SLC4A10: variants seen among roughly 807,000 people sequenced by gnomAD.
SLC4A10 encodes the protein solute carrier family 4 member 10.
In SLC4A10, 42 loss-of-function variants were observed where a neutral mutation model predicts 137.7. That is an observed-to-expected ratio of 0.30 (90% CI 0.24 to 0.39). The LOEUF is 0.39. Among genes scored for constraint, SLC4A10 ranks in the 10% least tolerant of loss-of-function variants. The pLI, the probability that SLC4A10 is intolerant of heterozygous loss-of-function variation, is 1.00. For missense variants in SLC4A10, 925 were observed against 1,355.0 expected (o/e 0.68, Z 4.98); for synonymous variants, 474 against 464.1 (o/e 1.02, Z -0.27).
intron 2 of SLC4A10, among the ~76,000 whole-genome samples, chr2:161,783,558 A>C (rs1391011175): frequency 6.6e-6 from 1 of 152,012 alleles, no homozygotes; most frequent in Non-Finnish European, 1.5e-5. Context: ...TAACTAAAAT[A>C]CTTTTAATAA....
At chr2:161,783,435 G>A (rs552606094) in intron 2 of SLC4A10, among the ~76,000 whole-genome samples, 7 of 151,870 alleles carry the variant, frequency 4.6e-5, no homozygotes, top group African/African-American at 1.7e-4. Context: ...TAAAAGTATT[G>A]GTAAAGGTAA....
chr2:161,847,306 A>G (rs1252911484), intron 4 of SLC4A10, among the ~76,000 whole-genome samples: 3 of 151,196 alleles, frequency 2.0e-5, no homozygotes, highest in African/African-American at 7.3e-5. Flanking sequence ...CACACACAGC[A>G]ACACACAGAG....
rs186932860 is a variant in SLC4A10 at position 161,768,023 on chromosome 2, A to G, written c.49-2950A>G. On this transcript the variant is annotated intron_variant, in intron 1 of 26. Transcript: ENST00000446997. ...TTTTTTAGCACCTGGGCTAGGGGGA[A>G]TTTTTATTTACTTCTTTCCTAGCAT... 2.0e-5 allele frequency among the ~76,000 whole-genome samples: 3 copies of G among 152,072 alleles called. 1 individual carries two copies.
intron 1 of SLC4A10, among the ~76,000 whole-genome samples, chr2:161,660,556 A>ATTTC (rs574482342): frequency 0.12 from 13,594 of 109,924 alleles, 1,278 homozygotes; most frequent in East Asian, 0.2. Context: ...ACTCATCTAT[A>ATTTC]TTTCTTTCTT....
At position 161,877,309 on chromosome 2, in the gene SLC4A10, A is replaced by G. The variant is rs565686628; in HGVS notation, c.949-1822A>G. 6.6e-5 allele frequency among the ~76,000 whole-genome samples: 10 copies of G among 152,190 alleles called. No individual in the cohort carries two copies. In the East Asian group the frequency reaches 1.5e-3, roughly 23 times the overall value. ...TATCAATTATGGATTTTAAAAAAAG[A>G]TGTTTTCTCATTTTAAATTTTGTTC... On this transcript the variant is annotated intron_variant, in intron 8 of 26. Transcript: ENST00000446997.
intron 19 of SLC4A10, among the ~76,000 whole-genome samples, chr2:161,956,160 C>A (rs1695624191): frequency 6.6e-6 from 1 of 152,050 alleles, no homozygotes; most frequent in Admixed American, 6.6e-5. Context: ...GCTTTCTATT[C>A]AACAGATATT....
At chr2:161,963,564 G>A (rs942207322) in intron 21 of SLC4A10, among the ~76,000 whole-genome samples, 1 of 151,992 alleles carries the variant, frequency 6.6e-6, no homozygotes, top group Admixed American at 6.6e-5. Context: ...GGGATTAAAG[G>A]GACAAAGTCA....
chr2:161,736,021 T>C (rs2047302152), intron 1 of SLC4A10, among the ~76,000 whole-genome samples: 2 of 148,438 alleles, frequency 1.3e-5, no homozygotes, highest in Admixed American at 6.6e-5. Flanking sequence ...TAATAACAAT[T>C]TAAAACTAGC....
chr2:161,974,075 T>C (rs138501138), intron 23 of SLC4A10, among the ~76,000 whole-genome samples, 174 bp from the exon 24 acceptor site: 1 of 152,344 alleles, frequency 6.6e-6, no homozygotes, highest in African/African-American at 2.4e-5. Context: ...TAATTACTTA[T>C]GTTCTTGGTA....
At chr2:161,708,659 T>C (rs1457522663) in intron 1 of SLC4A10, 2 of 1,483,076 alleles carry the variant, frequency 1.3e-6, no homozygotes, top group African/African-American at 2.8e-5. Context: ...CAGATACTGA[T>C]GGACAGATCT....
At chr2:161,922,870 A>G (rs1011535635) in intron 15 of SLC4A10, among the ~76,000 whole-genome samples, 2 of 152,222 alleles carry the variant, frequency 1.3e-5, no homozygotes, top group Non-Finnish European at 2.9e-5. Context: ...GACTTGGTAC[A>G]TAGCACTCTG....
rs187606390 is a variant in SLC4A10, at chr2:161,940,393, T to A, written c.1998-2399T>A. Among the ~76,000 whole-genome samples, 22 of 152,250 alleles carry A rather than the reference T, an allele frequency of 1.4e-4. No homozygotes were observed. The East Asian group carries it at 4.3e-3, about 29-fold the overall frequency. Reference sequence around the variant, plus strand: ...CCTTCTCTCACCCAGCTCCTACTGGTAGGGTGGAGGTTCAACCTCAGGCCT... The same window carrying A: ...CCTTCTCTCACCCAGCTCCTACTGGAAGGGTGGAGGTTCAACCTCAGGCCT... On this transcript the variant is annotated intron_variant, in intron 15 of 26. Coordinates refer to ENST00000446997, the MANE Select transcript of SLC4A10 (RefSeq NM_001178015.2).
intron 15 of SLC4A10, among the ~76,000 whole-genome samples, chr2:161,933,473 G>A (rs1477458534): frequency 6.6e-6 from 1 of 151,478 alleles, no homozygotes; most frequent in East Asian, 1.9e-4. Context: ...GCTCACTGCA[G>A]CCTGGAACTC....
At chr2:161,925,853 T>G (rs1168262489) in intron 15 of SLC4A10, among the ~76,000 whole-genome samples, 1 of 152,210 alleles carries the variant, frequency 6.6e-6, no homozygotes, top group African/African-American at 2.4e-5. Flanking sequence ...TCCATATAGT[T>G]GAGCGGTTTT....
In SLC4A10 at chr2:161,862,956, G is replaced by A. The variant is rs781602212; in HGVS notation, c.660G>A (p.Gln220=). 6.2e-7 allele frequency: 1 copy of A among 1,613,722 alleles called. No homozygotes were observed. Among genetic ancestry groups the A allele is most frequent in the Non-Finnish European group, 8.5e-7 (1 of 1,179,790 alleles). ...RHRVHEALMK[Q]HHHQNQKKLT... The stretch of plus-strand genomic sequence containing the variant: ...GGGTCCATGAGGCATTGATGAAACA[G>A]CATCATCATCAGAATCAGAAAAAAC... Residue 220 remains glutamine (Q), a synonymous_variant, in exon 6 of 27, where the codon CAG becomes CAA. Coordinates refer to ENST00000446997, the MANE Select transcript of SLC4A10 (RefSeq NM_001178015.2).
chr2:161,950,727 G>T lies in SLC4A10; in HGVS notation c.2420G>T (p.Gly807Val). The stretch of plus-strand genomic sequence containing the variant: ...CGTGGCTGGTTTGTTACGCCTTTAG[G>T]TCCAAACCCATGGTGGACAGTAATA... ...DDRGWFVTPLGPNPWWTVIAA... is the reference protein window; with the variant it reads ...DDRGWFVTPLVPNPWWTVIAA... Residue 807 changes from glycine (G) to valine (V), a missense_variant, in exon 19 of 27, where the codon GGT becomes GTT. Gly to Val is a moderately radical substitution (Grantham distance 109). This residue lies in a region of SLC4A10 where 82 missense variants were observed against 151.4 expected (regional missense o/e 0.54). Transcript: ENST00000446997. 1.3e-6 allele frequency: 2 copies of T among 1,594,436 alleles called. No individual in the cohort carries two copies. The highest frequency in any genetic ancestry group is 1.7e-6 in the Non-Finnish European group (2 of 1,169,484).
In SLC4A10 at chr2:161,732,681, G is replaced by T. The variant is rs143757991; in HGVS notation, c.49-38292G>T. On this transcript the variant is annotated intron_variant, in intron 1 of 26. Coordinates refer to ENST00000446997, the MANE Select transcript of SLC4A10 (RefSeq NM_001178015.2). The stretch of plus-strand genomic sequence containing the variant: ...GAAGCAACTTTGGAACTGGGTAATA[G>T]GTAGAAGTTGGAACAGTTTGGAGGG... Among the ~76,000 whole-genome samples the T allele has an allele frequency of 7.9e-5, 12 of 152,310 alleles. No homozygotes were observed. The East Asian group carries it at 1.5e-3, about 20-fold the overall frequency.
chr2:161,703,339 C>G (rs1162229156), intron 1 of SLC4A10, among the ~76,000 whole-genome samples: 2 of 151,374 alleles, frequency 1.3e-5, no homozygotes, highest in Non-Finnish European at 3.0e-5. Flanking sequence ...ACCAGTTAGC[C>G]ATTAAACATT....
intron 3 of SLC4A10, among the ~76,000 whole-genome samples, chr2:161,834,230 G>A (rs1210584479): frequency 6.6e-6 from 1 of 152,162 alleles, no homozygotes; most frequent in Non-Finnish European, 1.5e-5. Flanking sequence ...TAACCATTTA[G>A]TTGAGTACAC....
Sources: gnomAD v4.1 joint callset for allele counts (sites outside exome capture counted in the v4.1 genomes callset) on GRCh38, gnomAD v4.1.1 for gene constraint, gnomAD v4.1.1 regional missense constraint, MANE v1.5 for transcripts, NCBI Gene and HGNC (gene_info 2026-07-23, HGNC 2026-07-21) for gene names.